Variants in TRIM46 observed in about 807,000 individuals in gnomAD.
TRIM46 encodes tripartite motif-containing protein 46.
Under a neutral mutation model 69.7 loss-of-function variants are expected in TRIM46, and 17 were observed. That is an observed-to-expected ratio of 0.24 (90% confidence interval 0.17 to 0.37). The LOEUF is 0.37. TRIM46 is among the 10% of genes least tolerant of loss of function. The probability of loss-of-function intolerance (pLI) is 1.00; values close to 1 mark genes in which losing one functional copy is unlikely to be tolerated. For synonymous variants in TRIM46, 391 were observed against 429.0 expected, an observed-to-expected ratio of 0.91 and a Z score of 1.09; for missense variants, 675 against 1,025.1, an observed-to-expected ratio of 0.66 and a Z score of 4.66.
chr1:155,178,462 G>A, intron 6 of TRIM46, 30 bp from the exon 7 acceptor site: 1 of 1,612,868 alleles, frequency 6.2e-7, no homozygotes, highest in Non-Finnish European at 8.5e-7. Flanking sequence ...CCACATGGCA[G>A]TGCCTGACCC....
At chr1:155,180,404 G>A (rs1027007242) in intron 8 of TRIM46, 8 of 364,588 alleles carry the variant, frequency 2.2e-5, no homozygotes, top group Non-Finnish European at 3.4e-5. Flanking sequence ...AGACCAGCCT[G>A]GCCAACATGG....
Position 155,177,052 on chromosome 1 carries a change from C to T in TRIM46, c.790C>T (p.Leu264Phe). Reference protein sequence around the residue: ...THSGHKITPVLSAYQALKDKL... With the variant: ...THSGHKITPVFSAYQALKDKL... ...CAGCGGGCACAAGATCACACCAGTG[C>T]TCAGTGCCTACCAGGCCCTCAAGGT... The change falls in exon 4 of 10, where the codon CTC becomes TTC. Residue 264 changes from leucine (L) to phenylalanine (F), a missense_variant. Physicochemically the swap from Leu to Phe is conservative, Grantham distance 22. This residue lies in a region of TRIM46 where 361 missense variants were observed against 498.3 expected (regional missense o/e 0.72). Coordinates refer to ENST00000334634, the MANE Select transcript of TRIM46 (RefSeq NM_025058.5). The T allele has an allele frequency of 6.2e-7, 1 of 1,613,928 alleles. No individual in the cohort carries two copies. The highest frequency in any genetic ancestry group is 8.5e-7 in the Non-Finnish European group (1 of 1,179,780).
At chr1:155,176,337 A>G (rs1260165543) in intron 3 of TRIM46, 106 bp downstream of exon 3, 12 of 1,015,146 alleles carry the variant, frequency 1.2e-5, no homozygotes, top group South Asian at 1.6e-5. Flanking sequence ...AGGGTTTTCC[A>G]ATGCTAAGCA....
Position 155,175,100 on chromosome 1 carries a change from T to C in TRIM46, c.64-286T>C. ...GGAGGCAGGTGAGGGGGCTGCCAGCTGGGGCTACTGCAGCTGGAGAAATGG... is the reference window on the plus strand; with the variant it reads ...GGAGGCAGGTGAGGGGGCTGCCAGCCGGGGCTACTGCAGCTGGAGAAATGG... On this transcript the variant is annotated intron_variant, in intron 1 of 9. Coordinates refer to ENST00000334634, the MANE Select transcript of TRIM46 (RefSeq NM_025058.5). The surrounding 1 kb of genome is among the most constrained non-coding windows in gnomAD (Gnocchi z 4.2). The C allele has an allele frequency of 1.5e-6, 2 of 1,363,596 alleles. No individual in the cohort carries two copies. The highest frequency in any genetic ancestry group is 1.9e-6 in the Non-Finnish European group (2 of 1,059,458). 84.5% of individuals were successfully genotyped at this position (1,363,596 alleles called of 1,614,324 possible).
Position 155,175,208 on chromosome 1 carries a change from C to T in TRIM46, c.64-178C>T. ...TAGCTCTGCAGCGGGGAAAGAGAAG[C>T]AAGGGACAGAGGTCTGGGAAGGTCT... On this transcript the variant is annotated intron_variant, in intron 1 of 9. Transcript: ENST00000334634. The surrounding 1 kb of genome is among the most constrained non-coding windows in gnomAD (Gnocchi z 4.2). 1 of 1,472,926 alleles carries T rather than the reference C, an allele frequency of 6.8e-7. No homozygotes were observed. 91.2% of individuals were successfully genotyped at this position (1,472,926 alleles called of 1,614,324 possible).
rs767748060 is a variant in TRIM46 at position 155,175,632 on chromosome 1, C to T, written c.310C>T (p.Arg104Trp). Residue 104 changes from arginine (R) to tryptophan (W), a missense_variant, in exon 2 of 10, where the codon CGG (arginine) becomes TGG (tryptophan). Physicochemically the swap from Arg to Trp is moderately radical, Grantham distance 101. Around this residue, in one of 5 missense-constraint regions of TRIM46, gnomAD observed 170 missense variants for 255.6 expected, o/e 0.67. Transcript: ENST00000334634. This position sits in a 1 kb window ranked among gnomAD's most constrained non-coding sequence, Gnocchi z 4.2. ...RTLPKPDRLD[R>W]LLKSGFGTYP... ...TCTCCCCAAGCCAGACCGCCTGGACCGGCTGCTTAAGTCAGGTGGGACTGG... is the reference window on the plus strand; with the variant it reads ...TCTCCCCAAGCCAGACCGCCTGGACTGGCTGCTTAAGTCAGGTGGGACTGG... The T allele has an allele frequency of 6.2e-7, 1 of 1,613,738 alleles. No individual in the cohort carries two copies. Among genetic ancestry groups the T allele is most frequent in the East Asian group, 2.2e-5 (1 of 44,878 alleles).
chr1:155,180,091 G>C (rs1362669936), intron 8 of TRIM46, among the ~76,000 whole-genome samples, 157 bp downstream of exon 8: 1 of 152,266 alleles, frequency 6.6e-6, no homozygotes, highest in African/African-American at 2.4e-5. Context: ...TCAAATCCCA[G>C]CTCTGCCTCT....
intron 7 of TRIM46, 126 bp downstream of exon 7, chr1:155,178,739 T>TTGGGGCCCCCCCCCCCCCCCCCCC: frequency 1.5e-5 from 20 of 1,348,454 alleles, no homozygotes; most frequent in African/African-American, 2.9e-5. Context: ...CAGCCATTCC[T>TTGGGGCCCCCCCCCCCCCCCCCCC]CCCACCCAGC....
At position 155,184,825 on chromosome 1, in the gene TRIM46, C is replaced by A; in HGVS notation, c.*635C>A. 6.5e-6 allele frequency: 1 copy of A among 153,454 alleles called. No homozygotes were observed. The allele number at this position is 153,454 out of a possible 1,614,324, so 9.5% of individuals were successfully genotyped here. On this transcript the variant is annotated 3_prime_UTR_variant, in exon 10 of 10. Transcript: ENST00000334634. This position sits in a 1 kb window ranked among gnomAD's most constrained non-coding sequence, Gnocchi z 5.6. ...GGACCCAGCTGAGTCTGGGTGTTCC[C>A]ATTGGGTTGGGCCAGGCAAGGCCTC...
At position 155,179,733 on chromosome 1, in the gene TRIM46, A is replaced by G. The variant is rs369568615; in HGVS notation, c.1387A>G (p.Thr463Ala). The change falls in exon 8 of 10, where the codon ACC (threonine) becomes GCC (alanine). Residue 463 changes from threonine (T) to alanine (A), a missense_variant. Physicochemically the swap from Thr to Ala is moderately conservative, Grantham distance 58 (BLOSUM62 0). Coordinates refer to ENST00000334634, the MANE Select transcript of TRIM46 (RefSeq NM_025058.5). Reference sequence around the variant, plus strand: ...CCATTCACCACCTGCCTGGCACTATACCGTTGAGTTCCGGCGCACGGATGT... The same window carrying G: ...CCATTCACCACCTGCCTGGCACTATGCCGTTGAGTTCCGGCGCACGGATGT... ...PPHSPPAWHYTVEFRRTDVPA... is the reference protein window; with the variant it reads ...PPHSPPAWHYAVEFRRTDVPA... 7.4e-6 allele frequency: 12 copies of G among 1,613,272 alleles called. No individual in the cohort carries two copies. Among genetic ancestry groups the G allele is most frequent in the Non-Finnish European group, 9.3e-6 (11 of 1,179,972 alleles).
At position 155,179,664 on chromosome 1, in the gene TRIM46, A is replaced by G. The variant is rs1343835256; in HGVS notation, c.1318A>G (p.Thr440Ala). The change falls in exon 8 of 10, where the codon ACC becomes GCC. Residue 440 changes from threonine to alanine, a missense_variant. Transcript: ENST00000334634. ...GGCCCCCGTCATTGACACCCAGCGC[A>G]CCTTTGCCTATGATCAGATCTTCCT... Reference protein sequence around the residue: ...PEAPVIDTQRTFAYDQIFLCW... With the variant: ...PEAPVIDTQRAFAYDQIFLCW... 6.2e-7 allele frequency: 1 copy of G among 1,610,548 alleles called. No individual in the cohort carries two copies.
rs1666394488 is a variant in TRIM46 at position 155,184,371 on chromosome 1, C to G, written c.*181C>G. 2.9e-6 allele frequency: 2 copies of G among 690,082 alleles called. No homozygotes were observed. The highest frequency in any genetic ancestry group is 4.0e-5 in the South Asian group (2 of 49,982). 42.7% of individuals were successfully genotyped at this position (690,082 alleles called of 1,614,324 possible). ...CTTGACCCAGGGGCTCTCTTCTGCC[C>G]ACCTCTCTGGATGGCCCCCGTTCTC... On this transcript the variant is annotated 3_prime_UTR_variant, in exon 10 of 10. Transcript: ENST00000334634. This position sits in a 1 kb window ranked among gnomAD's most constrained non-coding sequence, Gnocchi z 5.6.
chr1:155,181,946 G>A lies in TRIM46; in HGVS notation c.1683G>A (p.Leu561=), dbSNP rs752204039. The A allele has an allele frequency of 3.7e-6, 6 of 1,614,110 alleles. No individual in the cohort carries two copies. Among genetic ancestry groups the A allele is most frequent in the Non-Finnish European group, 5.1e-6 (6 of 1,180,038 alleles). Reference sequence around the variant, plus strand: ...GAGCAGTACGGAGTGTTCCAGGGCTGCCCCTGCTGCTGGCTGCTGACCGGC... The same window carrying A: ...GAGCAGTACGGAGTGTTCCAGGGCTACCCCTGCTGCTGGCTGCTGACCGGC... ...DQRAVRSVPG[L]PLLLAADRLL... The change falls in exon 9 of 10, where the codon CTG becomes CTA. Residue 561 remains leucine, a synonymous_variant. Coordinates refer to ENST00000334634, the MANE Select transcript of TRIM46 (RefSeq NM_025058.5). This position sits in a 1 kb window ranked among gnomAD's most constrained non-coding sequence, Gnocchi z 4.3.
In TRIM46 at chr1:155,179,867, C is replaced by A. The variant is rs779492695; in HGVS notation, c.1521C>A (p.Arg507=). The A allele has an allele frequency of 1.9e-6, 3 of 1,609,836 alleles. No homozygotes were observed. The African/African-American group carries it at 4.0e-5, about 21-fold the overall frequency. The change falls in exon 8 of 10, where the codon CGC becomes CGA. Residue 507 remains arginine, a synonymous_variant. Transcript: ENST00000334634. ...DTGSVYVLRV[R]GCNKAGYGEY... ...GCTCTGTGTATGTGCTGCGTGTCCG[C>A]GGCTGCAACAAGGCCGGCTACGGCG...
chr1:155,183,664 T>G (rs1666345262), intron 9 of TRIM46, 133 bp from the exon 10 acceptor site: 1 of 1,234,378 alleles, frequency 8.1e-7, no homozygotes, highest in African/African-American at 1.5e-5. Context: ...CTTCAGCGTT[T>G]TCTTCTCAAC....
chr1:155,181,753 C>T lies in TRIM46; in HGVS notation c.1589-99C>T. The T allele has an allele frequency of 7.3e-7, 1 of 1,365,164 alleles. No homozygotes were observed. Among genetic ancestry groups the T allele is most frequent in the Non-Finnish European group, 1.0e-6 (1 of 992,498 alleles). The allele number at this position is 1,365,164 out of a possible 1,614,324, so 84.6% of individuals were successfully genotyped here. On this transcript the variant is annotated intron_variant, in intron 8 of 9. Coordinates refer to ENST00000334634, the MANE Select transcript of TRIM46 (RefSeq NM_025058.5). This position sits in a 1 kb window ranked among gnomAD's most constrained non-coding sequence, Gnocchi z 4.3. ...CCTGCCTGTTCCTGGTGACTGAACC[C>T]CCTTGCAACGCGTTCCCTGTTCTGC...
At position 155,179,782 on chromosome 1, in the gene TRIM46, G is replaced by A. The variant is rs144348158; in HGVS notation, c.1436G>A (p.Arg479His). 84 of 1,613,032 alleles carry A rather than the reference G, an allele frequency of 5.2e-5. No individual in the cohort carries two copies. The highest frequency in any genetic ancestry group is 1.6e-4 in the Middle Eastern group (1 of 6,082). Residue 479 changes from arginine to histidine, a missense_variant, in exon 8 of 10, where the codon CGC becomes CAC. Around this residue, in one of 5 missense-constraint regions of TRIM46, gnomAD observed 361 missense variants for 498.3 expected, o/e 0.72. Coordinates refer to ENST00000334634, the MANE Select transcript of TRIM46 (RefSeq NM_025058.5). ...TDVPAQPGPT[R>H]WQRREEVRGT... Reference sequence around the variant, plus strand: ...GTGCCTGCTCAGCCAGGCCCCACCCGCTGGCAGCGGCGGGAGGAGGTGAGG... The same window carrying A: ...GTGCCTGCTCAGCCAGGCCCCACCCACTGGCAGCGGCGGGAGGAGGTGAGG...
At chr1:155,180,991 T>C (rs1318616661) in intron 8 of TRIM46, among the ~76,000 whole-genome samples, 1 of 152,188 alleles carries the variant, frequency 6.6e-6, no homozygotes, top group Non-Finnish European at 1.5e-5. Flanking sequence ...TCCCAGCACT[T>C]TGGGAGGCCG....
Position 155,176,091 on chromosome 1 carries a change from C to G in TRIM46, c.529C>G (p.Pro177Ala). 1 of 1,614,132 alleles carries G rather than the reference C, an allele frequency of 6.2e-7. No homozygotes were observed. The highest frequency in any genetic ancestry group is 8.5e-7 in the Non-Finnish European group (1 of 1,180,012). The change falls in exon 3 of 10, where the codon CCC becomes GCC. Residue 177 changes from proline to alanine, a missense_variant. By Grantham distance (27) the Pro-to-Ala change is conservative. This residue lies in a region of TRIM46 where 170 missense variants were observed against 255.6 expected (regional missense o/e 0.67). Transcript: ENST00000334634. Reference sequence around the variant, plus strand: ...TGCCATCCTGTGCCAGTTGTGCAAGCCCCCACCACTAGAGGCCACCAAGGG... The same window carrying G: ...TGCCATCCTGTGCCAGTTGTGCAAGGCCCCACCACTAGAGGCCACCAAGGG... ...GGAILCQLCK[P>A]PPLEATKGCT...
Sources: gnomAD v4.1 joint callset for allele counts (sites outside exome capture counted in the v4.1 genomes callset) on GRCh38, gnomAD v4.1.1 for gene constraint, gnomAD v4.1.1 regional missense constraint, Gnocchi (gnomAD v3.1) non-coding constraint, MANE v1.5 for transcripts, NCBI Gene and HGNC (gene_info 2026-07-23, HGNC 2026-07-21) for gene names.